The following KDM1A variants were observed in gnomAD, a reference collection of about 807,000 sequenced individuals.
KDM1A encodes lysine-specific histone demethylase 1A.
A neutral mutation model predicts 109.4 loss-of-function variants in KDM1A; 49 were observed. That is an observed-to-expected ratio of 0.45 (90% CI 0.36 to 0.57). The LOEUF is 0.57. KDM1A is among the 20% of genes least tolerant of loss of function. KDM1A has a pLI of 0.00. For missense variants in KDM1A, 668 were observed against 1,116.6 expected (o/e 0.60, Z 5.73); for synonymous variants, 380 against 415.4 (o/e 0.91, Z 1.04).
At chr1:23,059,234 G>A in intron 9 of KDM1A, 67 bp downstream of exon 9, 1 of 1,130,938 alleles carries the variant, frequency 8.8e-7, no homozygotes, top group Non-Finnish European at 1.3e-6. Flanking sequence ...TTAGGAGAAT[G>A]GTATGGATGA....
chr1:23,081,729 TG>T, intron 19 of KDM1A, 156 bp downstream of exon 19: 1 of 900,514 alleles, frequency 1.1e-6, no homozygotes, highest in Non-Finnish European at 1.6e-6. Flanking sequence ...GGCCTAAGCG[TG>T]GGGTTCAGAA....
chr1:23,081,693 A>G (rs1364482062), intron 19 of KDM1A, 120 bp downstream of exon 19: 8 of 1,188,610 alleles, frequency 6.7e-6, no homozygotes, highest in Admixed American at 4.9e-5. Flanking sequence ...GTGCTTTTAC[A>G]TGAATAATTA....
intron 3 of KDM1A, among the ~76,000 whole-genome samples, chr1:23,048,508 T>C (rs1642567705): frequency 6.6e-6 from 1 of 152,180 alleles, no homozygotes; most frequent in Non-Finnish European, 1.5e-5. Flanking sequence ...GTAAGGATTG[T>C]TGATTTGATT....
chr1:23,071,160 A>G lies in KDM1A; in HGVS notation c.1414-65A>G, dbSNP rs592963. On this transcript the variant is annotated intron_variant, in intron 12 of 20. Transcript: ENST00000400181. Reference sequence around the variant, plus strand: ...CAGTTTTGAGGAGCCAAAAAAGGGTACATGTGATGTAGACATAAACTACAT... The same window carrying G: ...CAGTTTTGAGGAGCCAAAAAAGGGTGCATGTGATGTAGACATAAACTACAT... 3,497 of 1,392,400 alleles carry G rather than the reference A, an allele frequency of 2.5e-3. 87 individuals carry two copies. In the African/African-American group the frequency reaches 0.044, roughly 18 times the overall value. 86.3% of individuals were successfully genotyped at this position (1,392,400 alleles called of 1,614,324 possible). A position where few individuals can be genotyped will look rare whatever the true frequency, so the allele number is the denominator to read the frequency against.
In KDM1A at chr1:23,083,465, C is replaced by G; in HGVS notation, c.*101C>G. 2 of 1,187,744 alleles carry G rather than the reference C, an allele frequency of 1.7e-6. No individual in the cohort carries two copies. Among genetic ancestry groups the G allele is most frequent in the Non-Finnish European group, 2.3e-6 (2 of 872,158 alleles). The allele number at this position is 1,187,744 out of a possible 1,614,324, so 73.6% of individuals were successfully genotyped here. On this transcript the variant is annotated 3_prime_UTR_variant, in exon 21 of 21. Coordinates refer to ENST00000400181, the MANE Select transcript of KDM1A (RefSeq NM_001009999.3). ...ATCCCACTGAGAAAATCCACCCTGGCATCTGGGCTCCTGATCAGCTGATGG... is the reference window on the plus strand; with the variant it reads ...ATCCCACTGAGAAAATCCACCCTGGGATCTGGGCTCCTGATCAGCTGATGG...
chr1:23,019,969 A>C (rs973004786), intron 1 of KDM1A, 22 bp downstream of exon 1: 2 of 1,497,406 alleles, frequency 1.3e-6, no homozygotes, highest in Non-Finnish European at 1.8e-6. Context: ...CCCTTCCCTC[A>C]AACGACACCG....
chr1:23,033,521 A>G (rs929352158), intron 2 of KDM1A, among the ~76,000 whole-genome samples: 1 of 151,956 alleles, frequency 6.6e-6, no homozygotes, highest in Non-Finnish European at 1.5e-5. Context: ...CTCCGCCTTA[A>G]AAAAAAATCC....
At chr1:23,067,475 A>G (rs1643191705) in intron 10 of KDM1A, among the ~76,000 whole-genome samples, 1 of 152,200 alleles carries the variant, frequency 6.6e-6, no homozygotes, top group East Asian at 1.9e-4. Flanking sequence ...GAGAGGTAGA[A>G]TCTTACTGGG....
chr1:23,055,347 C>T (rs1642801743), intron 6 of KDM1A, 186 bp downstream of exon 6: 2 of 317,438 alleles, frequency 6.3e-6, no homozygotes, highest in Admixed American at 4.7e-5. Context: ...AATATAGTCT[C>T]TTAATAAATG....
chr1:23,041,972 T>C (rs779372528), intron 2 of KDM1A, among the ~76,000 whole-genome samples: 3 of 152,082 alleles, frequency 2.0e-5, no homozygotes, highest in Non-Finnish European at 4.4e-5. Flanking sequence ...GAAATCCATC[T>C]TTTTTTGTGA....
intron 1 of KDM1A, 112 bp from the exon 2 acceptor site, chr1:23,030,357 A>G: frequency 1.3e-6 from 1 of 754,806 alleles, no homozygotes; most frequent in Non-Finnish European, 2.0e-6. Context: ...TTGTATGCTT[A>G]CTTCCCTTAA....
intron 19 of KDM1A, 111 bp downstream of exon 19, chr1:23,081,684 T>C: frequency 8.1e-7 from 1 of 1,238,110 alleles, no homozygotes. Flanking sequence ...TTGAGGTCTG[T>C]GCTTTTACAT....
intron 5 of KDM1A, among the ~76,000 whole-genome samples, chr1:23,054,589 A>G (rs1167343139): frequency 6.6e-6 from 1 of 152,054 alleles, no homozygotes; most frequent in Non-Finnish European, 1.5e-5. Context: ...AGGCACCATC[A>G]TGCATGGCTA....
Position 23,019,701 on chromosome 1 carries a change from T to C in KDM1A, c.105T>C (p.Ser35=). 1 of 1,333,760 alleles carries C rather than the reference T, an allele frequency of 7.5e-7. No individual in the cohort carries two copies. The allele number at this position is 1,333,760 out of a possible 1,614,324, so 82.6% of individuals were successfully genotyped here. A position where few individuals can be genotyped will look rare whatever the true frequency, so the allele number is the denominator to read the frequency against. Residue 35 remains serine (S), a synonymous_variant, in exon 1 of 21, where the codon TCT becomes TCC. Coordinates refer to ENST00000400181, the MANE Select transcript of KDM1A (RefSeq NM_001009999.3). The part of the protein sequence containing the change: ...PGTAGGSENG[S]EVAAQPAGLS... The stretch of plus-strand genomic sequence containing the variant: ...CAGCAGGCGGCTCCGAGAACGGGTC[T>C]GAGGTGGCCGCGCAGCCCGCGGGCC...
chr1:23,076,030 TAA>T (rs1461984951), intron 15 of KDM1A, among the ~76,000 whole-genome samples: 1 of 152,218 alleles, frequency 6.6e-6, no homozygotes, highest in Non-Finnish European at 1.5e-5. Flanking sequence ...TTGTTAGAGA[TAA>T]AGTCTTGCAG....
intron 20 of KDM1A, chr1:23,082,800 A>G (rs1016952399): frequency 2.0e-5 from 4 of 203,084 alleles, no homozygotes; most frequent in Non-Finnish European, 4.0e-5. Flanking sequence ...TTAGTGTCAT[A>G]GCCCAGACCT....
chr1:23,070,126 C>T (rs1286978050), intron 12 of KDM1A, among the ~76,000 whole-genome samples: 1 of 152,250 alleles, frequency 6.6e-6, no homozygotes, highest in Non-Finnish European at 1.5e-5. Context: ...TCACTCTTGT[C>T]CTGTGTGGTA....
chr1:23,027,721 C>CT (rs34716853), intron 1 of KDM1A, among the ~76,000 whole-genome samples: 50,672 of 136,490 alleles, frequency 0.37, 11,212 homozygotes, highest in East Asian at 0.55. Context: ...CGCTCCCAGC[C>CT]TTTTTTTTTT....
chr1:23,047,685 G>C (rs1450813352), intron 3 of KDM1A, among the ~76,000 whole-genome samples: 3 of 152,104 alleles, frequency 2.0e-5, no homozygotes, highest in Non-Finnish European at 4.4e-5. Context: ...TGTATCGCTT[G>C]AGCTCAAGAG....
Sources: allele counts gnomAD v4.1 joint callset (sites outside exome capture counted in the v4.1 genomes callset), GRCh38; gene constraint gnomAD v4.1.1; transcripts MANE v1.5; gene names NCBI Gene and HGNC (gene_info 2026-07-23, HGNC 2026-07-21).